The following FKBP5 variants were observed in gnomAD, a reference collection of about 807,000 sequenced individuals.
The protein encoded by FKBP5 is FKBP prolyl isomerase 5.
Under a neutral mutation model 50.5 loss-of-function variants are expected in FKBP5, and 23 were observed. The ratio of observed to expected loss-of-function variants is 0.46; its 90% CI spans 0.33 to 0.65. The LOEUF is 0.65. Ranked by LOEUF, FKBP5 falls within the 30% of genes least tolerant of loss-of-function variation. The pLI, the probability that FKBP5 is intolerant of heterozygous loss-of-function variation, is 0.02. For synonymous variants in FKBP5, 176 were observed against 190.6 expected, an observed-to-expected ratio of 0.92 and a Z score of 0.63; for missense variants, 411 against 553.1, an observed-to-expected ratio of 0.74 and a Z score of 2.58.
At chr6:35,601,230 A>T (rs937859574) in intron 5 of FKBP5, among the ~76,000 whole-genome samples, 2 of 152,336 alleles carry the variant, frequency 1.3e-5, no homozygotes, top group Non-Finnish European at 2.9e-5. Flanking sequence ...ACATCCAGAC[A>T]TATACACCCC....
At chr6:35,649,998 T>C (rs1764750177) in intron 1 of FKBP5, among the ~76,000 whole-genome samples, 1 of 152,248 alleles carries the variant, frequency 6.6e-6, no homozygotes. Flanking sequence ...GAGAATCATT[T>C]AGCTAAGAGT....
At chr6:35,711,540 C>T (rs1766412751) in intron 2 of FKBP5, among the ~76,000 whole-genome samples, 1 of 151,434 alleles carries the variant, frequency 6.6e-6, no homozygotes, top group South Asian at 2.1e-4. Flanking sequence ...ATTGCTCGAA[C>T]CCGGGAGGTG....
At chr6:35,636,865 C>T (rs1764321705) in intron 3 of FKBP5, 149 bp downstream of exon 3, 2 of 594,792 alleles carry the variant, frequency 3.4e-6, no homozygotes, top group Non-Finnish European at 5.3e-6. Flanking sequence ...AAAAAGATCT[C>T]AGAGAGCCCT....
intron 2 of FKBP5, among the ~76,000 whole-genome samples, chr6:35,694,022 A>G (rs917451032): frequency 6.6e-6 from 1 of 151,996 alleles, no homozygotes; most frequent in African/African-American, 2.4e-5. Context: ...AAAAAAAAAT[A>G]GTGACAGAGT....
At chr6:35,723,146 T>C (rs1439235302) in intron 1 of FKBP5, among the ~76,000 whole-genome samples, 1 of 152,048 alleles carries the variant, frequency 6.6e-6, no homozygotes, top group Non-Finnish European at 1.5e-5. Flanking sequence ...GGCAGGAGAA[T>C]TGCTTGAATC....
rs1186846385 is a variant in FKBP5, at chr6:35,660,732, T to C, written c.-19-17889A>G. Among the ~76,000 whole-genome samples, 2 of 84,128 alleles carry C rather than the reference T, an allele frequency of 2.4e-5. 1 individual carries two copies. The highest frequency in any genetic ancestry group is 5.4e-5 in the Non-Finnish European group (2 of 36,830). 55.2% of individuals were successfully genotyped at this position (84,128 alleles called of 152,430 possible). On this transcript the variant is annotated intron_variant, in intron 1 of 10. Coordinates refer to ENST00000357266, the MANE Select transcript of FKBP5 (RefSeq NM_004117.4). Reference sequence around the variant, plus strand: ...AGTTCACATCTTCTAAATTATTTTTTGTCTACTTGTTCTATCAATTATTGA... The same window carrying C: ...AGTTCACATCTTCTAAATTATTTTTCGTCTACTTGTTCTATCAATTATTGA...
At position 35,663,233 on chromosome 6, in the gene FKBP5, G is replaced by A. The variant is rs529108421; in HGVS notation, c.-19-20390C>T. Reference sequence around the variant, plus strand: ...CACAGGGCAAACGGTACAGAAAGACGCGAAGACACAAAGCATCATGACCCA... The same window carrying A: ...CACAGGGCAAACGGTACAGAAAGACACGAAGACACAAAGCATCATGACCCA... On this transcript the variant is annotated intron_variant, in intron 1 of 10. Coordinates refer to ENST00000357266, the MANE Select transcript of FKBP5 (RefSeq NM_004117.4). 5.8e-4 allele frequency among the ~76,000 whole-genome samples: 89 copies of A among 152,302 alleles called. No individual in the cohort carries two copies. In the Middle Eastern group the frequency reaches 0.01, roughly 17 times the overall value.
chr6:35,586,916 T>G (rs1762618015), intron 8 of FKBP5, 118 bp downstream of exon 8: 5 of 1,541,396 alleles, frequency 3.2e-6, no homozygotes, highest in Non-Finnish European at 3.5e-6. Context: ...TTATAAAAAT[T>G]GCAGCTTATT....
intron 8 of FKBP5, chr6:35,584,168 C>T: frequency 3.0e-6 from 3 of 985,384 alleles, no homozygotes; most frequent in African/African-American, 1.7e-5. Flanking sequence ...TTGCACAATG[C>T]CTGGCTTAAT....
At chr6:35,613,307 C>T (rs555287689) in intron 5 of FKBP5, among the ~76,000 whole-genome samples, 2 of 152,212 alleles carry the variant, frequency 1.3e-5, no homozygotes, top group East Asian at 1.9e-4. Flanking sequence ...CTCCACCTCC[C>T]AGGATCAAGC....
At chr6:35,581,145 C>A in intron 8 of FKBP5, 1 of 980,570 alleles carries the variant, frequency 1.0e-6, no homozygotes, top group Non-Finnish European at 1.2e-6. Flanking sequence ...GTTTGCTGAC[C>A]CCTGATCTAT....
intron 3 of FKBP5, among the ~76,000 whole-genome samples, chr6:35,626,541 C>T (rs968941052): frequency 6.6e-6 from 1 of 152,152 alleles, no homozygotes; most frequent in African/African-American, 2.4e-5. Flanking sequence ...TTTTAAAGTG[C>T]ACAGTTCACT....
At chr6:35,645,181 G>A (rs1204685242) in intron 1 of FKBP5, among the ~76,000 whole-genome samples, 4 of 152,194 alleles carry the variant, frequency 2.6e-5, no homozygotes, top group Non-Finnish European at 5.9e-5. Flanking sequence ...TATCAAAAAT[G>A]TTTAACCTGA....
At chr6:35,622,503 C>T (rs955028690) in intron 3 of FKBP5, among the ~76,000 whole-genome samples, 5 of 150,810 alleles carry the variant, frequency 3.3e-5, no homozygotes, top group Admixed American at 3.3e-4. Context: ...AGAGCGAGAC[C>T]CTGTCTCTTA....
Position 35,577,049 on chromosome 6 carries a change from C to T in FKBP5, c.1211G>A (p.Arg404Gln), listed in dbSNP as rs764892232. The T allele has an allele frequency of 4.3e-6, 7 of 1,614,086 alleles. No homozygotes were observed. Among genetic ancestry groups the T allele is most frequent in the African/African-American group, 2.7e-5 (2 of 74,948 alleles). The part of the protein sequence containing the change: ...CQKKAKEHNE[R>Q]DRRIYANMFK... ...CATGTTGGCGTATATCCTGCGGTCCCGCTCGTTGTGCTCCTTGGCCTTTTT... is the reference window on the plus strand; with the variant it reads ...CATGTTGGCGTATATCCTGCGGTCCTGCTCGTTGTGCTCCTTGGCCTTTTT... Residue 404 changes from arginine to glutamine, a missense_variant, in exon 10 of 11, where the codon CGG (arginine) becomes CAG (glutamine). This residue lies in a region of FKBP5 where 88 missense variants were observed against 89.0 expected (regional missense o/e 0.99). Transcript: ENST00000357266.
At chr6:35,621,487 G>A (rs1448686410) in intron 3 of FKBP5, among the ~76,000 whole-genome samples, 4 of 151,908 alleles carry the variant, frequency 2.6e-5, no homozygotes, top group African/African-American at 9.7e-5. Context: ...GCATGGTAGT[G>A]CGTGCCTGTA....
chr6:35,668,612 TTTG>T (rs1424974514), intron 1 of FKBP5, among the ~76,000 whole-genome samples: 3 of 152,132 alleles, frequency 2.0e-5, no homozygotes, highest in South Asian at 2.1e-4. Context: ...AGTCACCTCT[TTTG>T]TTGTTTTTTT....
intron 2 of FKBP5, among the ~76,000 whole-genome samples, chr6:35,699,236 G>GT (rs1766136503): frequency 6.6e-6 from 1 of 152,170 alleles, no homozygotes; most frequent in African/African-American, 2.4e-5. Context: ...CTCACAGCGT[G>GT]TTGGTCTCAA....
At chr6:35,668,596 G>A (rs1348908162) in intron 1 of FKBP5, among the ~76,000 whole-genome samples, 1 of 152,066 alleles carries the variant, frequency 6.6e-6, no homozygotes, top group Non-Finnish European at 1.5e-5. Flanking sequence ...GAATGGAATA[G>A]TTATAAGTCA....
Sources: gnomAD v4.1 joint callset for allele counts (sites outside exome capture counted in the v4.1 genomes callset) on GRCh38, gnomAD v4.1.1 for gene constraint, gnomAD v4.1.1 regional missense constraint, MANE v1.5 for transcripts, NCBI Gene and HGNC (gene_info 2026-07-23, HGNC 2026-07-21) for gene names.